AIG1: variants seen among roughly 807,000 people sequenced by gnomAD.
AIG1 encodes the protein androgen induced 1.
AIG1 carries 23 observed loss-of-function variants against 31.4 expected under a neutral mutation model. That is an observed-to-expected ratio of 0.73 (90% CI 0.53 to 1.04). The LOEUF (loss-of-function observed/expected upper bound fraction) is 1.04. Ranked by LOEUF, AIG1 falls within the 50% of genes least tolerant of loss-of-function variation. The pLI is 0.00. For missense variants in AIG1, 274 were observed against 295.0 expected (o/e 0.93, Z 0.52); for synonymous variants, 100 against 110.5 (o/e 0.90, Z 0.60).
chr6:143,257,994 A>G (rs558260946), intron 3 of AIG1, among the ~76,000 whole-genome samples: 2 of 152,292 alleles, frequency 1.3e-5, no homozygotes, highest in Middle Eastern at 6.8e-3. Flanking sequence ...CTGGGATTTC[A>G]AAAGTTAAAG....
chr6:143,342,350 G>A (rs1777875295), downstream of AIG1: 3 of 670,564 alleles, frequency 4.5e-6, no homozygotes, highest in East Asian at 2.7e-5. Context: ...TTCTAGCCCC[G>A]CCGCAGCTGC....
chr6:143,208,395 G>A (rs1791296569), intron 3 of AIG1, among the ~76,000 whole-genome samples: 2 of 152,084 alleles, frequency 1.3e-5, no homozygotes, highest in African/African-American at 4.8e-5. Flanking sequence ...ACATTTGCAT[G>A]GAGAACACAG....
At chr6:143,059,748 CCT>C (rs1223056608), upstream of AIG1, among the ~76,000 whole-genome samples, 2 of 152,206 alleles carry the variant, frequency 1.3e-5, no homozygotes, top group African/African-American at 4.8e-5. Context: ...CCCTCCACAT[CCT>C]CTGACTCAGA....
At chr6:143,250,939 G>T (rs1353308936) in intron 3 of AIG1, among the ~76,000 whole-genome samples, 1 of 152,174 alleles carries the variant, frequency 6.6e-6, no homozygotes, top group Non-Finnish European at 1.5e-5. Context: ...CTCTGCTCTA[G>T]ATGCTGGAAG....
chr6:143,069,299 G>A (rs1777032457), intron 1 of AIG1, among the ~76,000 whole-genome samples: 1 of 152,182 alleles, frequency 6.6e-6, no homozygotes. Flanking sequence ...TTACAGGCAT[G>A]AGCCACCGCG....
chr6:143,126,460 G>A (rs117484986), intron 1 of AIG1, among the ~76,000 whole-genome samples: 1,949 of 152,310 alleles, frequency 0.013, 11 homozygotes, highest in Middle Eastern at 0.037. Context: ...ATGAAGTACC[G>A]TTGGAGTTCA....
intron 5 of AIG1, among the ~76,000 whole-genome samples, chr6:143,335,822 G>A (rs1048530659): frequency 1.3e-5 from 2 of 151,472 alleles, no homozygotes; most frequent in Non-Finnish European, 2.9e-5. Context: ...GGGCGTACAT[G>A]CCTGTAATCT....
rs559735679 is a variant in AIG1, at chr6:143,076,673, AT to A, written c.141+15624del. ...TCCTGCCTTCTTCTGGGTTATTTGAATTTTTTTTTTTTTTTTTGAGATGGAG... is the reference window on the plus strand; with the variant it reads ...TCCTGCCTTCTTCTGGGTTATTTGAATTTTTTTTTTTTTTTTGAGATGGAG... On this transcript the variant is annotated intron_variant, in intron 1 of 5. Transcript: ENST00000357847. Among the ~76,000 whole-genome samples the A allele has an allele frequency of 5.0e-3, 685 of 136,646 alleles. 5 individuals are homozygous for A. Among genetic ancestry groups the A allele is most frequent in the Admixed American group, 0.014 (198 of 13,726 alleles). The allele number at this position is 136,646 out of a possible 152,430, so 89.6% of individuals were successfully genotyped here.
At chr6:143,069,108 A>G (rs1777004421) in intron 1 of AIG1, among the ~76,000 whole-genome samples, 1 of 151,046 alleles carries the variant, frequency 6.6e-6, no homozygotes, top group Non-Finnish European at 1.5e-5. Flanking sequence ...TCCATCTCCT[A>G]GGTTCAAGTG....
chr6:143,151,038 G>T (rs542136383), intron 2 of AIG1, among the ~76,000 whole-genome samples: 1 of 152,136 alleles, frequency 6.6e-6, no homozygotes, highest in Non-Finnish European at 1.5e-5. Flanking sequence ...TTGCAGACTC[G>T]TGGACAGTAT....
intron 1 of AIG1, among the ~76,000 whole-genome samples, chr6:143,109,587 A>G (rs1269617116): frequency 6.6e-6 from 1 of 152,060 alleles, no homozygotes; most frequent in African/African-American, 2.4e-5. Context: ...TTGGCTATGC[A>G]GTAATCTTTT....
At chr6:143,306,411 G>A (rs900411114) in intron 4 of AIG1, among the ~76,000 whole-genome samples, 6 of 151,956 alleles carry the variant, frequency 3.9e-5, no homozygotes, top group South Asian at 4.2e-4. Flanking sequence ...GCTCTTTTAG[G>A]GCAGGCCTGG....
intron 2 of AIG1, among the ~76,000 whole-genome samples, chr6:143,154,317 C>G (rs1333688481): frequency 3.9e-5 from 6 of 152,008 alleles, no homozygotes; most frequent in Non-Finnish European, 7.4e-5. Context: ...ATTGTTAAGA[C>G]TAAACGAAGT....
At chr6:143,342,233 T>G (rs7452873), downstream of AIG1, 4,720 of 678,510 alleles carry the variant, frequency 7.0e-3, 147 homozygotes, top group Admixed American at 0.061. Context: ...TAAAATTTTC[T>G]TGTAGTGGGA....
At chr6:143,181,592 CT>C (rs1454969785) in intron 3 of AIG1, among the ~76,000 whole-genome samples, 3 of 152,162 alleles carry the variant, frequency 2.0e-5, no homozygotes, top group African/African-American at 7.2e-5. Context: ...AAGGCATTTA[CT>C]TTTGGCTATT....
At chr6:143,254,607 C>G (rs554255349) in intron 3 of AIG1, among the ~76,000 whole-genome samples, 1 of 152,216 alleles carries the variant, frequency 6.6e-6, no homozygotes, top group African/African-American at 2.4e-5. Flanking sequence ...CCCCTACCCC[C>G]GCAAGTCACT....
At chr6:143,263,341 T>C (rs781480763) in intron 3 of AIG1, among the ~76,000 whole-genome samples, 3 of 151,998 alleles carry the variant, frequency 2.0e-5, no homozygotes, top group Non-Finnish European at 2.9e-5. Context: ...CTCTTATTTC[T>C]GATGTCAGGA....
At chr6:143,247,841 A>G (rs1448972505) in intron 3 of AIG1, among the ~76,000 whole-genome samples, 2 of 152,124 alleles carry the variant, frequency 1.3e-5, no homozygotes, top group African/African-American at 4.8e-5. Context: ...AATCAGACTG[A>G]CTGCTGGTAA....
At chr6:143,155,013 ATTT>A (rs61017846) in intron 2 of AIG1, among the ~76,000 whole-genome samples, 1 of 123,990 alleles carries the variant, frequency 8.1e-6, no homozygotes. Context: ...ACATCTGGCT[ATTT>A]TTTTTTTTTT....
Sources: gnomAD v4.1 joint callset for allele counts (sites outside exome capture counted in the v4.1 genomes callset) on GRCh38, gnomAD v4.1.1 for gene constraint, MANE v1.5 for transcripts, NCBI Gene and HGNC (gene_info 2026-07-23, HGNC 2026-07-21) for gene names.